ABCC6: variants seen among roughly 807,000 people sequenced by gnomAD.
ABCC6 encodes the protein ATP binding cassette subfamily C member 6, also known as ATP-binding cassette sub-family C member 6.
A neutral mutation model predicts 169.5 loss-of-function variants in ABCC6; 126 were observed. The observed-to-expected ratio is 0.74, with a 90% CI of 0.64 to 0.86. The LOEUF is 0.86. Among genes scored for constraint, ABCC6 ranks in the 40% least tolerant of loss-of-function variants. The pLI is 0.00. For synonymous variants in ABCC6, 752 were observed against 814.7 expected, an observed-to-expected ratio of 0.92 and a Z score of 1.31; for missense variants, 1,733 against 1,927.2, an observed-to-expected ratio of 0.90 and a Z score of 1.89.
intron 9 of ABCC6, among the ~76,000 whole-genome samples, chr16:16,201,026 G>A (rs1038970089): frequency 3.3e-5 from 5 of 152,134 alleles, no homozygotes; most frequent in Non-Finnish European, 5.9e-5. Flanking sequence ...CGCTGTAGTG[G>A]CGTGATCTCA....
In ABCC6 at chr16:16,166,697, C is replaced by T. The variant is rs144464226; in HGVS notation, c.2996-764G>A. ...GAGTTCGAGACCAGCCTGAGCAACA[C>T]GGTGAAACCCTACTAAACCCTACTC... On this transcript the variant is annotated intron_variant, in intron 22 of 30. Transcript: ENST00000205557. Among the ~76,000 whole-genome samples the T allele has an allele frequency of 1.5e-3, 226 of 152,092 alleles. 1 individual carries two copies. The highest frequency in any genetic ancestry group is 5.2e-3 in the African/African-American group (214 of 41,486).
At chr16:16,154,530 TC>T in intron 29 of ABCC6, 97 bp downstream of exon 29, 2 of 1,449,332 alleles carry the variant, frequency 1.4e-6, no homozygotes, top group Non-Finnish European at 1.9e-6. Flanking sequence ...AGAGTGATAA[TC>T]CTATCGGGGG....
intron 7 of ABCC6, among the ~76,000 whole-genome samples, chr16:16,204,637 T>C (rs1355703561): frequency 6.6e-6 from 1 of 151,940 alleles, no homozygotes; most frequent in Non-Finnish European, 1.5e-5. Context: ...CGAGGGCCCC[T>C]GTGAGGCAGG....
At chr16:16,189,583 A>C (rs2047772749) in intron 12 of ABCC6, among the ~76,000 whole-genome samples, 1 of 151,950 alleles carries the variant, frequency 6.6e-6, no homozygotes, top group South Asian at 2.1e-4. Context: ...GCAACCAGCT[A>C]ATTTTTGTAT....
intron 4 of ABCC6, among the ~76,000 whole-genome samples, chr16:16,219,059 CAAAAAAAAAAAAA>C (rs545447445): frequency 2.9e-3 from 30 of 10,360 alleles, no homozygotes; most frequent in African/African-American, 8.1e-3. Flanking sequence ...GCAAGCCTCT[CAAAAAAAAAAAAA>C]AAAAAAAAAA....
intron 7 of ABCC6, among the ~76,000 whole-genome samples, chr16:16,206,699 CT>C (rs1288760913): frequency 2.3e-4 from 35 of 152,016 alleles, no homozygotes; most frequent in Admixed American, 2.2e-3. Context: ...GATTCTCAAA[CT>C]GTTCTGGAGA....
At chr16:16,173,472 C>T in intron 20 of ABCC6, 68 bp from the exon 21 acceptor site, 1 of 1,596,070 alleles carries the variant, frequency 6.3e-7, no homozygotes, top group East Asian at 2.2e-5. Context: ...GTGCCTAACC[C>T]TCAGGCCCAC....
chr16:16,205,087 C>T (rs781586551), intron 7 of ABCC6, among the ~76,000 whole-genome samples: 10 of 151,964 alleles, frequency 6.6e-5, no homozygotes, highest in African/African-American at 9.7e-5. Flanking sequence ...CCACCTGCCT[C>T]GGCCTCCCAA....
chr16:16,154,074 C>A (rs1004594628), intron 29 of ABCC6, among the ~76,000 whole-genome samples: 12 of 151,894 alleles, frequency 7.9e-5, no homozygotes, highest in Non-Finnish European at 1.5e-4. Context: ...CTCAGCCTCC[C>A]AAGTAACTAG....
Position 16,184,267 on chromosome 16 carries a change from G to A in ABCC6, c.1943+692C>T, listed in dbSNP as rs897727880. The A allele has an allele frequency of 4.3e-5, 8 of 187,398 alleles. No homozygotes were observed. In the South Asian group the frequency reaches 4.3e-4, roughly 10 times the overall value. The allele number at this position is 187,398 out of a possible 1,614,324, so 11.6% of individuals were successfully genotyped here. On this transcript the variant is annotated intron_variant, in intron 15 of 30. Coordinates refer to ENST00000205557, the MANE Select transcript of ABCC6 (RefSeq NM_001171.6). ...CCAGACACTCCTTCCTTATGATCTC[G>A]GCTTGAATGCAAAGCCTTCCCTCGC...
At position 16,223,385 on chromosome 16, in the gene ABCC6, T is replaced by TG; in HGVS notation, c.36+13dup. On this transcript the variant is annotated intron_variant, in intron 1 of 30. Transcript: ENST00000205557. ...CCTGGAAAAGGAGAGTGGGGCGCGATGGGGGGCACTCACCCCCTGCCCCGC... is the reference window on the plus strand; with the variant it reads ...CCTGGAAAAGGAGAGTGGGGCGCGATGGGGGGGCACTCACCCCCTGCCCCGC... The TG allele has an allele frequency of 2.3e-6, 3 of 1,292,478 alleles. No individual in the cohort carries two copies. Among genetic ancestry groups the TG allele is most frequent in the Non-Finnish European group, 2.1e-6 (2 of 950,512 alleles). 80.1% of individuals were successfully genotyped at this position (1,292,478 alleles called of 1,614,324 possible). A position where few individuals can be genotyped will look rare whatever the true frequency, so the allele number is the denominator to read the frequency against.
At chr16:16,204,655 C>G (rs189277180) in intron 7 of ABCC6, among the ~76,000 whole-genome samples, 5 of 152,086 alleles carry the variant, frequency 3.3e-5, no homozygotes, top group Admixed American at 2.6e-4. Context: ...AGGTCAGAAG[C>G]CCTGGGCCAG....
At position 16,202,105 on chromosome 16, in the gene ABCC6, G is replaced by A; in HGVS notation, c.1072C>T (p.Leu358Phe). 6.2e-7 allele frequency: 1 copy of A among 1,614,002 alleles called. No individual in the cohort carries two copies. Among genetic ancestry groups the A allele is most frequent in the Non-Finnish European group, 8.5e-7 (1 of 1,179,880 alleles). The change falls in exon 9 of 31, where the codon CTC becomes TTC. Residue 358 changes from leucine to phenylalanine, a missense_variant. Physicochemically the swap from Leu to Phe is conservative, Grantham distance 22. Transcript: ENST00000205557. ...KGYLLAVLMF[L>F]SACLQTLFEQ... ...AACAGCGTTTGCAGGCAGGCTGAGA[G>A]GAACATCAGCACGGCGAGGAGGTAG... is the stretch of plus-strand genomic sequence containing the variant.
intron 10 of ABCC6, among the ~76,000 whole-genome samples, chr16:16,197,379 T>C (rs1252539460): frequency 2.0e-5 from 3 of 150,146 alleles, no homozygotes; most frequent in African/African-American, 7.4e-5. Context: ...TATCAGACAA[T>C]AGTAGGCAAA....
At chr16:16,203,946 A>C (rs978493578) in intron 7 of ABCC6, among the ~76,000 whole-genome samples, 1 of 152,172 alleles carries the variant, frequency 6.6e-6, no homozygotes, top group African/African-American at 2.4e-5. Flanking sequence ...AGATGAGAAA[A>C]CTGGGGCTCA....
At chr16:16,171,842 G>T (rs1015688104) in intron 21 of ABCC6, among the ~76,000 whole-genome samples, 3 of 147,626 alleles carry the variant, frequency 2.0e-5, no homozygotes, top group Admixed American at 6.8e-5. Flanking sequence ...ATGAGTGGGT[G>T]GGATGGATAA....
chr16:16,211,228 A>G (rs1053013780), intron 6 of ABCC6, among the ~76,000 whole-genome samples: 1 of 151,624 alleles, frequency 6.6e-6, no homozygotes, highest in Non-Finnish European at 1.5e-5. Flanking sequence ...ATGGAGAAAC[A>G]CTGTCTCTAC....
At chr16:16,184,198 CAAAAAAAAAAAAA>C (rs56071235) in intron 15 of ABCC6, 17 of 71,950 alleles carry the variant, frequency 2.4e-4, no homozygotes, top group South Asian at 1.5e-3. Flanking sequence ...GACTCCGTTT[CAAAAAAAAAAAAA>C]AAAAAAAAAA....
chr16:16,174,830 G>A (rs1280376163), intron 20 of ABCC6, among the ~76,000 whole-genome samples: 3 of 140,766 alleles, frequency 2.1e-5, no homozygotes, highest in East Asian at 2.6e-4. Flanking sequence ...GCACAATCTC[G>A]GCTCACTGCA....
Sources: allele counts gnomAD v4.1 joint callset (sites outside exome capture counted in the v4.1 genomes callset), GRCh38; gene constraint gnomAD v4.1.1; transcripts MANE v1.5; gene names NCBI Gene and HGNC (gene_info 2026-07-23, HGNC 2026-07-21).